MAP4: variants seen among roughly 807,000 people sequenced by gnomAD.
The protein encoded by MAP4 is microtubule associated protein 4.
A neutral mutation model predicts 170.2 loss-of-function variants in MAP4; 76 were observed. The observed-to-expected ratio is 0.45, with a 90% confidence interval of 0.37 to 0.54. The LOEUF is 0.54. Among genes scored for constraint, MAP4 ranks in the 20% least tolerant of loss-of-function variants. The pLI is 0.00. For synonymous variants in MAP4, 909 were observed against 994.5 expected, an observed-to-expected ratio of 0.91 and a Z score of 1.62; for missense variants, 2,506 against 2,748.0, an observed-to-expected ratio of 0.91 and a Z score of 1.97.
Position 47,867,313 on chromosome 3 carries a change from C to G in MAP4, c.6434G>C (p.Ser2145Thr). ...GKVQIVSKKV[S>T]YSHIQSKCGS... ...ACACTTGGACTGAATATGGCTGTAG[C>G]TCACTTTTTTGGAGACTATCTGGAC... is the stretch of plus-strand genomic sequence containing the variant. The change falls in exon 17 of 21, where the codon AGC becomes ACC. Residue 2145 changes from serine to threonine, a missense_variant. This residue lies in a region of MAP4 where 487 missense variants were observed against 511.6 expected (regional missense o/e 0.95). Transcript: ENST00000683076. 2 of 1,613,590 alleles carry G rather than the reference C, an allele frequency of 1.2e-6. No homozygotes were observed. The highest frequency in any genetic ancestry group is 8.5e-7 in the Non-Finnish European group (1 of 1,179,588).
intron 5 of MAP4, among the ~76,000 whole-genome samples, 177 bp from the exon 6 acceptor site, chr3:47,919,018 G>T (rs1400850490): frequency 6.6e-6 from 1 of 151,820 alleles, no homozygotes; most frequent in African/African-American, 2.4e-5. Context: ...TGCAAGCTCC[G>T]CTTCCCGGGT....
At chr3:47,973,090 T>C (rs1456816237) in intron 3 of MAP4, 2 of 981,060 alleles carry the variant, frequency 2.0e-6, no homozygotes, top group Non-Finnish European at 2.4e-6. Flanking sequence ...AAGGTGTTAA[T>C]GTAAGATGTT....
intron 1 of MAP4, among the ~76,000 whole-genome samples, chr3:48,087,413 G>A (rs2100149647): frequency 6.6e-6 from 1 of 152,074 alleles, no homozygotes; most frequent in Non-Finnish European, 1.5e-5. Flanking sequence ...AATAGCTGCT[G>A]GTGGTGCTCT....
At chr3:47,999,410 C>G (rs999475440) in intron 1 of MAP4, among the ~76,000 whole-genome samples, 2 of 152,058 alleles carry the variant, frequency 1.3e-5, no homozygotes, top group Admixed American at 6.6e-5. Context: ...ACGTTTCCCT[C>G]AATTAGCTAA....
intron 3 of MAP4, among the ~76,000 whole-genome samples, chr3:47,945,352 T>C (rs2100059111): frequency 6.6e-6 from 1 of 152,008 alleles, no homozygotes; most frequent in Non-Finnish European, 1.5e-5. Flanking sequence ...TTAAAACATG[T>C]AGCATAGGTT....
chr3:47,855,081 G>C lies in MAP4; in HGVS notation c.6696+167C>G. 1.7e-6 allele frequency: 1 copy of C among 601,820 alleles called. No individual in the cohort carries two copies. The highest frequency in any genetic ancestry group is 2.0e-5 in the South Asian group (1 of 51,092). The allele number at this position is 601,820 out of a possible 1,614,324, so 37.3% of individuals were successfully genotyped here. ...CTGGGGCCTCTTCACTTCTGCCTCA[G>C]TCAGGACTGATGATACACGGTGGGA... On this transcript the variant is annotated intron_variant, in intron 19 of 20. Coordinates refer to ENST00000683076, the MANE Select transcript of MAP4 (RefSeq NM_001385682.1). This position sits in a 1 kb window ranked among gnomAD's most constrained non-coding sequence, Gnocchi z 5.1.
At chr3:47,864,816 G>A (rs1028455999) in intron 17 of MAP4, among the ~76,000 whole-genome samples, 4 of 152,214 alleles carry the variant, frequency 2.6e-5, no homozygotes, top group South Asian at 4.1e-4. Flanking sequence ...GCAGTGAGCC[G>A]AGATTACGCC....
chr3:47,932,373 A>T (rs1157136706), intron 3 of MAP4, among the ~76,000 whole-genome samples: 3 of 152,172 alleles, frequency 2.0e-5, no homozygotes, highest in Non-Finnish European at 4.4e-5. Context: ...ATTGTGAATA[A>T]TGCTGCTATG....
At chr3:48,053,566 C>T (rs2154550589) in intron 1 of MAP4, among the ~76,000 whole-genome samples, 1 of 152,162 alleles carries the variant, frequency 6.6e-6, no homozygotes, top group Non-Finnish European at 1.5e-5. Context: ...AATCTAAATA[C>T]CTACCCAAAT....
rs566829419 is a variant in MAP4, at chr3:48,054,676, C to T, written c.-20+34097G>A. On this transcript the variant is annotated intron_variant, in intron 1 of 18. Coordinates refer to the MAP4 transcript ENST00000360240. ...AAAAAAAATTAGCTGGCCATGGTGGCGGGCTCCTGTAATCCCAGCTACTCA... is the reference window on the plus strand; with the variant it reads ...AAAAAAAATTAGCTGGCCATGGTGGTGGGCTCCTGTAATCCCAGCTACTCA... Among the ~76,000 whole-genome samples, 25 of 141,848 alleles carry T rather than the reference C, an allele frequency of 1.8e-4. No individual in the cohort carries two copies. In the East Asian group the frequency reaches 3.8e-3, roughly 21 times the overall value. 93.1% of individuals were successfully genotyped at this position (141,848 alleles called of 152,430 possible).
intron 3 of MAP4, among the ~76,000 whole-genome samples, chr3:47,957,054 A>G (rs1680121854): frequency 6.6e-6 from 1 of 152,236 alleles, no homozygotes; most frequent in African/African-American, 2.4e-5. Context: ...TAGAATAGAC[A>G]TGTATTCTGG....
chr3:48,010,053 A>G (rs927223483), intron 1 of MAP4, among the ~76,000 whole-genome samples: 3 of 152,216 alleles, frequency 2.0e-5, no homozygotes, highest in Non-Finnish European at 4.4e-5. Context: ...CATGGAATAC[A>G]TGAGACCCAT....
intron 1 of MAP4, among the ~76,000 whole-genome samples, chr3:48,058,382 C>T (rs2100133409): frequency 1.3e-5 from 2 of 152,158 alleles, no homozygotes; most frequent in Admixed American, 6.5e-5. Context: ...CTTTAGAAAC[C>T]AAGTAGCACA....
chr3:47,928,338 T>G lies in MAP4; in HGVS notation c.305A>C (p.Glu102Ala). 6.2e-7 allele frequency: 1 copy of G among 1,614,090 alleles called. No homozygotes were observed. Among genetic ancestry groups the G allele is most frequent in the Non-Finnish European group, 8.5e-7 (1 of 1,179,972 alleles). The part of the protein sequence containing the change: ...EGSDTTGSPT[E>A]FLEEKMAYQE... ...GTAGGCCATTTTCTCTTCAAGGAAT[T>G]CAGTTGGAGACCCTTAAAATAGAGA... Residue 102 changes from glutamate to alanine, a missense_variant, in exon 4 of 21, where the codon GAA (glutamate) becomes GCA (alanine). Glu to Ala is a moderately radical substitution (Grantham distance 107). Transcript: ENST00000683076.
chr3:47,920,544 G>GTTT (rs71070241), intron 5 of MAP4, among the ~76,000 whole-genome samples: 5 of 96,562 alleles, frequency 5.2e-5, no homozygotes, highest in East Asian at 3.2e-4. Flanking sequence ...CACCCAGATG[G>GTTT]TTTTTTTTTT....
chr3:48,002,124 A>C (rs2100099484), intron 1 of MAP4, among the ~76,000 whole-genome samples: 1 of 151,974 alleles, frequency 6.6e-6, no homozygotes. Context: ...TGTAACTAGG[A>C]GTTCCAAGCT....
At chr3:48,016,034 C>A (rs981764928) in intron 1 of MAP4, among the ~76,000 whole-genome samples, 7 of 152,188 alleles carry the variant, frequency 4.6e-5, no homozygotes, top group Non-Finnish European at 7.3e-5. Flanking sequence ...CCAGGCTTGA[C>A]AGGGTTCTGT....
Position 47,911,809 on chromosome 3 carries a change from G to A in MAP4, c.2612C>T (p.Ser871Phe), listed in dbSNP as rs748490948. 2.4e-5 allele frequency: 37 copies of A among 1,536,132 alleles called. No individual in the cohort carries two copies. Among genetic ancestry groups the A allele is most frequent in the Middle Eastern group, 3.3e-4 (2 of 5,990 alleles). Residue 871 changes from serine to phenylalanine, a missense_variant, in exon 9 of 21, where the codon TCT becomes TTT. Physicochemically the swap from Ser to Phe is radical, Grantham distance 155. This residue lies in a region of MAP4 where 2,008 missense variants were observed against 2,206.0 expected (regional missense o/e 0.91). Coordinates refer to ENST00000683076, the MANE Select transcript of MAP4 (RefSeq NM_001385682.1). The surrounding 1 kb of genome is among the most constrained non-coding windows in gnomAD (Gnocchi z 4.0). ...SEEAPKTAIS[S>F]QSKLRVEEES... ...TTCCTCTACTCTCAGCTTAGACTGA[G>A]AACTTATTGCAGTTTTGGGGGCTTC...
At position 47,869,246 on chromosome 3, in the gene MAP4, T is replaced by C. The variant is rs755259255; in HGVS notation, c.6376A>G (p.Ile2126Val). Residue 2126 changes from isoleucine to valine, a missense_variant, in exon 16 of 21, where the codon ATT becomes GTT. Around this residue, in one of 3 missense-constraint regions of MAP4, gnomAD observed 487 missense variants for 511.6 expected, o/e 0.95. Transcript: ENST00000683076. The stretch of plus-strand genomic sequence containing the variant: ...GCAGGTTGTTTCTGTGCACTTGCAA[T>C]TGGGCCGGCTGTTTTAGTGACTGCA... ...SNAVTKTAGP[I>V]ASAQKQPAGK... The C allele has an allele frequency of 3.7e-6, 6 of 1,613,900 alleles. No homozygotes were observed. The highest frequency in any genetic ancestry group is 2.7e-5 in the African/African-American group (2 of 74,922).
Sources: gnomAD v4.1 joint callset for allele counts (sites outside exome capture counted in the v4.1 genomes callset) on GRCh38, gnomAD v4.1.1 for gene constraint, gnomAD v4.1.1 regional missense constraint, Gnocchi (gnomAD v3.1) non-coding constraint, MANE v1.5 for transcripts, NCBI Gene and HGNC (gene_info 2026-07-23, HGNC 2026-07-21) for gene names.